Variants in ZBTB17 observed in about 807,000 individuals in gnomAD.
The protein encoded by ZBTB17 is zinc finger and BTB domain-containing protein 17.
Under a neutral mutation model 85.1 loss-of-function variants are expected in ZBTB17, and 24 were observed. The observed-to-expected ratio is 0.28, with a 90% CI of 0.20 to 0.40. ZBTB17 has a LOEUF of 0.40. ZBTB17 is among the 10% of genes least tolerant of loss of function. ZBTB17 has a pLI of 1.00. For missense variants in ZBTB17, 743 were observed against 1,105.1 expected (o/e 0.67, Z 4.65); for synonymous variants, 464 against 460.2 (o/e 1.01, Z -0.11).
At chr1:15,974,317 C>G (rs1169291213) in intron 1 of ZBTB17, among the ~76,000 whole-genome samples, 1 of 150,756 alleles carries the variant, frequency 6.6e-6, no homozygotes, top group Non-Finnish European at 1.5e-5. Context: ...CCACCATGCC[C>G]GGCTATTTTT....
chr1:15,946,224 G>T lies in ZBTB17; in HGVS notation c.465C>A (p.Arg155=). 1 of 1,613,598 alleles carries T rather than the reference G, an allele frequency of 6.2e-7. No homozygotes were observed. The change falls in exon 5 of 16, where the codon CGC becomes CGA. Residue 155 remains arginine, a synonymous_variant. Coordinates refer to ENST00000375743, the MANE Select transcript of ZBTB17 (RefSeq NM_003443.3). ...CCCTGCTGGGGCCTATGGGTGTGCT[G>T]CGTCCTGCCTGCTCCAGCCTGCTCA... The part of the protein sequence containing the change: ...STLSRLEQAG[R]STPIGPSRDL...
At chr1:15,943,942 C>T (rs1439505422) in intron 9 of ZBTB17, 47 bp from the exon 10 acceptor site, 28 of 1,534,894 alleles carry the variant, frequency 1.8e-5, no homozygotes, top group Non-Finnish European at 2.5e-5. Context: ...GAGCTCGGCC[C>T]CGGGCCCCCT....
intron 2 of ZBTB17, among the ~76,000 whole-genome samples, chr1:15,961,895 G>T (rs887860771): frequency 6.6e-6 from 1 of 152,182 alleles, no homozygotes; most frequent in Non-Finnish European, 1.5e-5. Context: ...TATATTTTAC[G>T]ATGTTAATAT....
chr1:15,942,732 TTC>T lies in ZBTB17; in HGVS notation c.1833_1834del (p.Lys612AlafsTer5). The T allele has an allele frequency of 6.2e-7, 1 of 1,613,250 alleles. No homozygotes were observed. The highest frequency in any genetic ancestry group is 8.5e-7 in the Non-Finnish European group (1 of 1,179,996). On this transcript the variant is annotated frameshift_variant, in exon 14 of 16. Transcript: ENST00000375743. LOFTEE classifies it high-confidence loss of function. ...CCCACACTTATCACACAGGTAAGGC[TTC>T]TCTCCTGGGGGAGCAAGGTTCTCTC...
chr1:15,947,098 C>A lies in ZBTB17; in HGVS notation c.231G>T (p.Met77Ile). 1.2e-6 allele frequency: 2 copies of A among 1,613,196 alleles called. No homozygotes were observed. The highest frequency in any genetic ancestry group is 1.7e-6 in the Non-Finnish European group (2 of 1,179,382). The part of the protein sequence containing the change: ...AAGLGQVLEF[M>I]YTAKLSLSPE... Reference sequence around the variant, plus strand: ...GGCTCAGGCTCAGCTTGGCCGTGTACATAAACTCCAGCACCTGCCCCAGGC... The same window carrying A: ...GGCTCAGGCTCAGCTTGGCCGTGTAAATAAACTCCAGCACCTGCCCCAGGC... Residue 77 changes from methionine to isoleucine, a missense_variant, in exon 4 of 16, where the codon ATG becomes ATT. Physicochemically the swap from Met to Ile is conservative, Grantham distance 10 (BLOSUM62 1). This residue lies in a region of ZBTB17 where 74 missense variants were observed against 142.6 expected (regional missense o/e 0.52). Transcript: ENST00000375743.
At chr1:15,948,016 C>G in intron 3 of ZBTB17, 1 of 521,844 alleles carries the variant, frequency 1.9e-6, no homozygotes, top group Non-Finnish European at 3.5e-6. Flanking sequence ...TACTCTCTGC[C>G]CCTCCCAATG....
chr1:15,947,287 G>T (rs2071648443), intron 3 of ZBTB17, 164 bp from the exon 4 acceptor site: 3 of 686,918 alleles, frequency 4.4e-6, no homozygotes, highest in Admixed American at 2.9e-5. Flanking sequence ...TAACCTGGGG[G>T]ATCTCAGCAC....
chr1:15,942,481 C>G (rs1315709973), intron 14 of ZBTB17, 48 bp downstream of exon 14: 2 of 1,610,582 alleles, frequency 1.2e-6, no homozygotes, highest in Admixed American at 1.7e-5. Context: ...CATCGCCACC[C>G]TGGCAGCAAG....
chr1:15,951,303 A>AGAAG lies in ZBTB17; in HGVS notation c.-2-2810_-2-2807dup, dbSNP rs1008154533. The stretch of plus-strand genomic sequence containing the variant: ...AAGTAAGGGAAGGAAAGGAGAGAGA[A>AGAAG]GAAGGAAGGAAGGAAGGGAGAGAGG... On this transcript the variant is annotated intron_variant, in intron 2 of 15. Transcript: ENST00000375743. The surrounding 1 kb of genome is among the most constrained non-coding windows in gnomAD (Gnocchi z 4.1). Among the ~76,000 whole-genome samples the AGAAG allele has an allele frequency of 4.9e-4, 63 of 129,046 alleles. No individual in the cohort carries two copies. The highest frequency in any genetic ancestry group is 9.0e-4 in the Non-Finnish European group (55 of 60,914). The allele number at this position is 129,046 out of a possible 152,430, so 84.7% of individuals were successfully genotyped here.
intron 2 of ZBTB17, among the ~76,000 whole-genome samples, chr1:15,950,978 C>T (rs891584241): frequency 1.3e-5 from 2 of 152,142 alleles, no homozygotes; most frequent in East Asian, 1.9e-4. Context: ...AAGACACATT[C>T]GCTAGATAAT....
At chr1:15,967,516 CAA>C (rs75034940) in intron 2 of ZBTB17, among the ~76,000 whole-genome samples, 20 of 140,104 alleles carry the variant, frequency 1.4e-4, no homozygotes, top group Non-Finnish European at 2.5e-4. Flanking sequence ...CTGTCTCTAC[CAA>C]AAAAAAAAAA....
Position 15,972,520 on chromosome 1 carries a change from T to A in ZBTB17, c.-3+519A>T, listed in dbSNP as rs189021585. 2.6e-5 allele frequency among the ~76,000 whole-genome samples: 4 copies of A among 152,308 alleles called. No homozygotes were observed. The East Asian group carries it at 7.7e-4, about 29-fold the overall frequency. On this transcript the variant is annotated intron_variant, in intron 2 of 15. Transcript: ENST00000375743. Reference sequence around the variant, plus strand: ...GTTTGGGAACCATGTTGCACAAAAATCCCACCTTAAACATTAGAACTTTAA... The same window carrying A: ...GTTTGGGAACCATGTTGCACAAAAAACCCACCTTAAACATTAGAACTTTAA...
At chr1:15,954,079 G>A (rs2071959950) in intron 2 of ZBTB17, among the ~76,000 whole-genome samples, 1 of 152,186 alleles carries the variant, frequency 6.6e-6, no homozygotes, top group Non-Finnish European at 1.5e-5. Context: ...AAGACAGGGA[G>A]GAAGTGATGG....
In ZBTB17 at chr1:15,964,504, G is replaced by T. The variant is rs1381722286; in HGVS notation, c.-3+8535C>A. Among the ~76,000 whole-genome samples the T allele has an allele frequency of 6.6e-6, 1 of 152,040 alleles. No homozygotes were observed. Among genetic ancestry groups the T allele is most frequent in the African/African-American group, 2.4e-5 (1 of 41,396 alleles). On this transcript the variant is annotated intron_variant, in intron 2 of 15. Transcript: ENST00000375743. The surrounding 1 kb of genome is among the most constrained non-coding windows in gnomAD (Gnocchi z 4.3). Reference sequence around the variant, plus strand: ...AGGCTGAGGTGGGAGGATTGCTTGAGCCCAGGAATTCAAGACTAGCTTGGG... The same window carrying T: ...AGGCTGAGGTGGGAGGATTGCTTGATCCCAGGAATTCAAGACTAGCTTGGG...
rs2071878389 is a variant in ZBTB17, at chr1:15,952,125, CA to C, written c.-2-3629del. ...AAAACCTTAGAACCATAGAAAATGC[CA>C]ACAGAACGAGACCACAGAGCCCAGC... On this transcript the variant is annotated intron_variant, in intron 2 of 15. Coordinates refer to ENST00000375743, the MANE Select transcript of ZBTB17 (RefSeq NM_003443.3). This position sits in a 1 kb window ranked among gnomAD's most constrained non-coding sequence, Gnocchi z 4.3. Among the ~76,000 whole-genome samples, 1 of 152,160 alleles carries C rather than the reference CA, an allele frequency of 6.6e-6. No homozygotes were observed. The highest frequency in any genetic ancestry group is 1.5e-5 in the Non-Finnish European group (1 of 68,024).
At position 15,944,529 on chromosome 1, in the gene ZBTB17, T is replaced by C. The variant is rs751901923; in HGVS notation, c.1142A>G (p.Lys381Arg). ...YRLISLLNLH[K>R]KRHSGEARYR... is the part of the protein sequence containing the mutation. ...GCGCGCCTCGCCCGAGTGCCGCTTCTTGTGCAGGTTCAGCAGGCTGATGAG... is the reference window on the plus strand; with the variant it reads ...GCGCGCCTCGCCCGAGTGCCGCTTCCTGTGCAGGTTCAGCAGGCTGATGAG... Residue 381 changes from lysine (K) to arginine (R), a missense_variant, in exon 9 of 16, where the codon AAG becomes AGG. By Grantham distance (26) the Lys-to-Arg change is conservative. Coordinates refer to ENST00000375743, the MANE Select transcript of ZBTB17 (RefSeq NM_003443.3). The C allele has an allele frequency of 6.3e-6, 10 of 1,595,520 alleles. No homozygotes were observed. The highest frequency in any genetic ancestry group is 6.0e-6 in the Non-Finnish European group (7 of 1,175,882).
At chr1:15,967,550 G>C (rs1357722963) in intron 2 of ZBTB17, among the ~76,000 whole-genome samples, 2 of 151,806 alleles carry the variant, frequency 1.3e-5, no homozygotes, top group Non-Finnish European at 2.9e-5. Flanking sequence ...AGGAGAGGGG[G>C]GTAACTTACT....
rs2072454114 is a variant in ZBTB17 at position 15,966,715 on chromosome 1, T to C, written c.-3+6324A>G. 6.6e-6 allele frequency among the ~76,000 whole-genome samples: 1 copy of C among 152,138 alleles called. No homozygotes were observed. Reference sequence around the variant, plus strand: ...TCCATAAGGATTCTCTGTGCTGGCATTCCACACACACGCAGCAAGGTTCAA... The same window carrying C: ...TCCATAAGGATTCTCTGTGCTGGCACTCCACACACACGCAGCAAGGTTCAA... On this transcript the variant is annotated intron_variant, in intron 2 of 15. Coordinates refer to ENST00000375743, the MANE Select transcript of ZBTB17 (RefSeq NM_003443.3). The surrounding 1 kb of genome is among the most constrained non-coding windows in gnomAD (Gnocchi z 4.1).
In ZBTB17 at chr1:15,946,984, A is replaced by G. The variant is rs2071636093; in HGVS notation, c.345T>C (p.Ala115=). ...ITACHALKSL[A]EPATSPGGNA... is the part of the protein sequence containing the mutation. The stretch of plus-strand genomic sequence containing the variant: ...TTCCCCCAGGGCTGGTAGCCGGCTC[A>G]GCAAGTGACTTGAGGGCATGGCAGG... The change falls in exon 4 of 16, where the codon GCT becomes GCC. Residue 115 remains alanine (A), a synonymous_variant. Transcript: ENST00000375743. 1 of 1,613,772 alleles carries G rather than the reference A, an allele frequency of 6.2e-7. No individual in the cohort carries two copies. The highest frequency in any genetic ancestry group is 1.3e-5 in the African/African-American group (1 of 74,950).
Sources: gnomAD v4.1 joint callset for allele counts (sites outside exome capture counted in the v4.1 genomes callset) on GRCh38, gnomAD v4.1.1 for gene constraint, gnomAD v4.1.1 regional missense constraint, Gnocchi (gnomAD v3.1) non-coding constraint, MANE v1.5 for transcripts, NCBI Gene and HGNC (gene_info 2026-07-23, HGNC 2026-07-21) for gene names.